Variants in OR2L13 observed in about 807,000 individuals in gnomAD.
The protein encoded by OR2L13 is olfactory receptor 2L13.
Under a neutral mutation model 15.3 loss-of-function variants are expected in OR2L13, and 14 were observed. The observed-to-expected ratio is 0.91, with a 90% CI of 0.60 to 1.43. The LOEUF (loss-of-function observed/expected upper bound fraction) is 1.43, where lower values mean the gene tolerates loss of function less well. Ranked by LOEUF, OR2L13 falls within the 40% of genes most tolerant of loss-of-function variation. OR2L13 has a pLI of 0.00. For synonymous variants in OR2L13, 152 were observed against 142.9 expected, an observed-to-expected ratio of 1.06 and a Z score of -0.45; for missense variants, 367 against 387.9, an observed-to-expected ratio of 0.95 and a Z score of 0.45.
At chr1:248,071,156 A>G in the OR2L13 span, among the ~76,000 whole-genome samples, 14 of 152,050 alleles carry the variant, frequency 9.2e-5, no homozygotes, top group Non-Finnish European at 1.8e-4. Context: ...TACCAAAGCC[A>G]GGCAGAGACA....
At chr1:248,071,850 C>G in the OR2L13 span, among the ~76,000 whole-genome samples, 1 of 150,926 alleles carries the variant, frequency 6.6e-6, no homozygotes, top group Admixed American at 6.6e-5. Context: ...AACAGAGAGC[C>G]AAATCATGAG....
chr1:248,053,056 A>G, the OR2L13 span, among the ~76,000 whole-genome samples: 2 of 151,994 alleles, frequency 1.3e-5, no homozygotes, highest in Non-Finnish European at 2.9e-5. Flanking sequence ...TCCATCACCT[A>G]GGTATTAAGC....
At chr1:247,985,231 TC>T in the OR2L13 span, among the ~76,000 whole-genome samples, 1 of 152,118 alleles carries the variant, frequency 6.6e-6, no homozygotes, top group East Asian at 1.9e-4. Flanking sequence ...TAGGTATATC[TC>T]CTAATGCCAT....
At chr1:248,052,610 A>G in the OR2L13 span, among the ~76,000 whole-genome samples, 1 of 152,126 alleles carries the variant, frequency 6.6e-6, no homozygotes, top group Non-Finnish European at 1.5e-5. Flanking sequence ...GGGCACCTGT[A>G]GTCCCAGCTA....
the OR2L13 span, among the ~76,000 whole-genome samples, chr1:248,033,194 A>G: frequency 6.6e-6 from 1 of 152,154 alleles, no homozygotes; most frequent in Non-Finnish European, 1.5e-5. Context: ...GCCACTGACT[A>G]TACTTTTATG....
chr1:248,070,598 T>C, the OR2L13 span, among the ~76,000 whole-genome samples: 6 of 152,038 alleles, frequency 3.9e-5, no homozygotes, highest in Admixed American at 3.9e-4. Context: ...ATTCAAACGC[T>C]AGCAGAAGGC....
chr1:248,004,791 A>T, the OR2L13 span, among the ~76,000 whole-genome samples: 1 of 152,146 alleles, frequency 6.6e-6, no homozygotes, highest in African/African-American at 2.4e-5. Flanking sequence ...AAGAATTGGG[A>T]GTTTAGTTTC....
the OR2L13 span, among the ~76,000 whole-genome samples, chr1:248,082,870 C>T: frequency 3.3e-5 from 5 of 152,128 alleles, no homozygotes; most frequent in Non-Finnish European, 7.4e-5. Context: ...ATTCAGAGTT[C>T]ATATCCATGG....
the OR2L13 span, among the ~76,000 whole-genome samples, chr1:248,046,179 C>G: frequency 6.6e-6 from 1 of 152,024 alleles, no homozygotes; most frequent in Non-Finnish European, 1.5e-5. Context: ...ATTAGGTCAT[C>G]TAATTTAATA....
chr1:247,978,133 C>A, the OR2L13 span, among the ~76,000 whole-genome samples: 27 of 152,344 alleles, frequency 1.8e-4, no homozygotes, highest in South Asian at 1.0e-3. Context: ...ACCAATCTTG[C>A]TGCTGCTCAG....
the OR2L13 span, among the ~76,000 whole-genome samples, chr1:247,964,270 G>C: frequency 6.6e-6 from 1 of 152,100 alleles, no homozygotes; most frequent in Non-Finnish European, 1.5e-5. Context: ...GCCATATCAG[G>C]ATTGATGGGC....
chr1:247,938,602 G>C, the OR2L13 span, among the ~76,000 whole-genome samples: 1 of 152,034 alleles, frequency 6.6e-6, no homozygotes, highest in Non-Finnish European at 1.5e-5. Flanking sequence ...ACATAGAAAC[G>C]CCTACATTGA....
At chr1:248,037,879 G>T in the OR2L13 span, among the ~76,000 whole-genome samples, 257 of 152,212 alleles carry the variant, frequency 1.7e-3, no homozygotes, top group Admixed American at 3.9e-3. Context: ...TGCCTACCTT[G>T]TTCTCCTCAC....
chr1:247,941,972 A>T, the OR2L13 span, among the ~76,000 whole-genome samples: 1 of 152,162 alleles, frequency 6.6e-6, no homozygotes, highest in Admixed American at 6.5e-5. Flanking sequence ...CTATGACTGT[A>T]GCCTCCCAGT....
chr1:248,016,814 GGC>G, the OR2L13 span, among the ~76,000 whole-genome samples: 1 of 151,850 alleles, frequency 6.6e-6, no homozygotes, highest in African/African-American at 2.4e-5. Flanking sequence ...TGTAAATATA[GGC>G]ATATGTGTGT....
At chr1:248,042,394 T>C in the OR2L13 span, 1 of 149,830 alleles carries the variant, frequency 6.7e-6, no homozygotes, top group African/African-American at 2.4e-5. Context: ...TTGGGAGATA[T>C]ACCTAATGCT....
chr1:247,965,667 T>C, the OR2L13 span: 1 of 1,546,744 alleles, frequency 6.5e-7, no homozygotes, highest in Non-Finnish European at 8.7e-7. Context: ...TTTTGGGCTG[T>C]GAGATTCAAA....
the OR2L13 span, among the ~76,000 whole-genome samples, chr1:248,069,710 G>A: frequency 1.3e-5 from 2 of 152,122 alleles, no homozygotes; most frequent in African/African-American, 2.4e-5. Flanking sequence ...ACCCATCAGT[G>A]TGCTGTATTC....
At chr1:248,075,024 A>C in the OR2L13 span, among the ~76,000 whole-genome samples, 2 of 151,500 alleles carry the variant, frequency 1.3e-5, no homozygotes, top group South Asian at 2.1e-4. Context: ...CCTCCCCCAG[A>C]CCCCCAGCCC....
Sources: gnomAD v4.1 joint callset for allele counts (sites outside exome capture counted in the v4.1 genomes callset) on GRCh38, gnomAD v4.1.1 for gene constraint, MANE v1.5 for transcripts, NCBI Gene and HGNC (gene_info 2026-07-23, HGNC 2026-07-21) for gene names.